PPIE: variants seen among roughly 807,000 people sequenced by gnomAD.
PPIE encodes peptidyl-prolyl cis-trans isomerase E.
Under a neutral mutation model 38.4 loss-of-function variants are expected in PPIE, and 20 were observed. The observed-to-expected ratio is 0.52, with a 90% CI of 0.37 to 0.76. PPIE has a LOEUF of 0.76. PPIE is among the 30% of genes least tolerant of loss of function. The probability of loss-of-function intolerance (pLI) is 0.00; values close to 1 mark genes in which losing one functional copy is unlikely to be tolerated. For missense variants in PPIE, 322 were observed against 385.8 expected (o/e 0.83, Z 1.39); for synonymous variants, 142 against 135.7 (o/e 1.05, Z -0.32).
At chr1:39,740,339 C>G in intron 2 of PPIE, 76 bp downstream of exon 2, 2 of 1,158,326 alleles carry the variant, frequency 1.7e-6, no homozygotes, top group Middle Eastern at 2.0e-4. Context: ...CATCACAATT[C>G]TAAATATGCA....
At chr1:39,741,731 T>C in intron 3 of PPIE, 164 bp from the exon 4 acceptor site, 1 of 726,602 alleles carries the variant, frequency 1.4e-6, no homozygotes, top group Non-Finnish European at 2.3e-6. Flanking sequence ...CACCACCAGC[T>C]CTAAAATCAG....
chr1:39,760,377 C>T (rs371633750), downstream of PPIE: 3 of 1,610,344 alleles, frequency 1.9e-6, no homozygotes, highest in Non-Finnish European at 2.5e-6. Flanking sequence ...GGGGCCCGAT[C>T]CAGATGAGAA....
intron 9 of PPIE, among the ~76,000 whole-genome samples, chr1:39,761,854 A>C (rs1291615128): frequency 2.0e-5 from 3 of 152,244 alleles, no homozygotes; most frequent in Non-Finnish European, 4.4e-5. Context: ...TGGACAAACC[A>C]ACAAACCGAC....
chr1:39,748,902 G>C lies in PPIE; in HGVS notation c.509-1G>C. ...AGCGCTTTTTCCTTTCTCAATTCCA[G>C]AGAATTTCCGCTGCCTGTGCACTCA... is the stretch of plus-strand genomic sequence containing the variant. On this transcript the variant is annotated splice_acceptor_variant, in intron 7 of 9. Transcript: ENST00000324379. LOFTEE classifies it high-confidence loss of function. 6.2e-7 allele frequency: 1 copy of C among 1,611,954 alleles called. No homozygotes were observed. Among genetic ancestry groups the C allele is most frequent in the East Asian group, 2.2e-5 (1 of 44,872 alleles).
At chr1:39,740,058 A>C in intron 1 of PPIE, 107 bp from the exon 2 acceptor site, 2 of 750,480 alleles carry the variant, frequency 2.7e-6, no homozygotes, top group South Asian at 3.4e-5. Flanking sequence ...TACCCAAAGA[A>C]CTGAATGGAA....
In PPIE at chr1:39,753,673, C is replaced by T; in HGVS notation, c.*318C>T. The T allele has an allele frequency of 1.7e-6, 2 of 1,153,492 alleles. No homozygotes were observed. The highest frequency in any genetic ancestry group is 3.7e-4 in the Middle Eastern group (1 of 2,726). 71.5% of individuals were successfully genotyped at this position (1,153,492 alleles called of 1,614,324 possible). The stretch of plus-strand genomic sequence containing the variant: ...TACCAGTGTGGCTCTTACGTGTTTT[C>T]TTTGCTAAAATAAACCCTAGTTCTT... On this transcript the variant is annotated 3_prime_UTR_variant, in exon 10 of 10. Coordinates refer to ENST00000324379, the MANE Select transcript of PPIE (RefSeq NM_006112.4).
intron 8 of PPIE, among the ~76,000 whole-genome samples, chr1:39,751,508 A>G (rs1647730878): frequency 6.6e-6 from 1 of 152,104 alleles, no homozygotes; most frequent in Non-Finnish European, 1.5e-5. Flanking sequence ...GGTGCACGCC[A>G]TCCATAATGC....
intron 1 of PPIE, chr1:39,739,151 C>T (rs3738673): frequency 0.33 from 142,404 of 428,676 alleles, 24,678 homozygotes; most frequent in South Asian, 0.39. Flanking sequence ...GTACGCACTT[C>T]TCCAGCTTCT....
chr1:39,741,149 TTACTA>T (rs1488201984), intron 2 of PPIE, among the ~76,000 whole-genome samples: 5 of 152,230 alleles, frequency 3.3e-5, no homozygotes, highest in Admixed American at 2.0e-4. Flanking sequence ...AAAATACAGT[TTACTA>T]TTCAGCTATG....
rs1159397776 is a variant in PPIE at position 39,754,132 on chromosome 1, T to C, written c.*777T>C. 3.3e-6 allele frequency: 3 copies of C among 917,058 alleles called. No individual in the cohort carries two copies. Among genetic ancestry groups the C allele is most frequent in the African/African-American group, 3.6e-5 (2 of 55,862 alleles). 56.8% of individuals were successfully genotyped at this position (917,058 alleles called of 1,614,324 possible). On this transcript the variant is annotated 3_prime_UTR_variant, in exon 10 of 10. Coordinates refer to ENST00000324379, the MANE Select transcript of PPIE (RefSeq NM_006112.4). ...TGTGCCTAATCCAGCCCACTGCCTG[T>C]TTTTATGAATCAGGTTTTATTGGAA...
chr1:39,744,174 C>T (rs1380860873), intron 6 of PPIE, among the ~76,000 whole-genome samples: 2 of 152,166 alleles, frequency 1.3e-5, no homozygotes, highest in Admixed American at 6.5e-5. Context: ...TGTCTCAGCT[C>T]TGCTCAGGTA....
At chr1:39,741,857 T>C (rs1647065625) in intron 3 of PPIE, 38 bp from the exon 4 acceptor site, 1 of 1,613,984 alleles carries the variant, frequency 6.2e-7, no homozygotes, top group Non-Finnish European at 8.5e-7. Context: ...AGCATTTGGC[T>C]GCAAGCCTAA....
At position 39,752,114 on chromosome 1, in the gene PPIE, AG is replaced by A. The variant is rs375148521; in HGVS notation, c.695-795del. On this transcript the variant is annotated intron_variant, in intron 8 of 9. Transcript: ENST00000324379. ...TCCCCATCTCAAAAAAAGTAAATTC[AG>A]ATTTCCAAAGGTTTCCTAGGGACAG... is the stretch of plus-strand genomic sequence containing the variant. 2.3e-3 allele frequency among the ~76,000 whole-genome samples: 355 copies of A among 152,226 alleles called. 1 individual carries two copies. The highest frequency in any genetic ancestry group is 8.0e-3 in the African/African-American group (334 of 41,530).
rs1167195849 is a variant in PPIE at position 39,756,278 on chromosome 1, C to G, written c.*2923C>G. 1.0e-6 allele frequency: 1 copy of G among 985,342 alleles called. No homozygotes were observed. Among genetic ancestry groups the G allele is most frequent in the Non-Finnish European group, 1.2e-6 (1 of 829,948 alleles). 61.0% of individuals were successfully genotyped at this position (985,342 alleles called of 1,614,324 possible). The stretch of plus-strand genomic sequence containing the variant: ...TTCCCTGGGACTGTGTGGCTCCTGT[C>G]CCAACTGGCCTCCCCATTCCACATT... On this transcript the variant is annotated 3_prime_UTR_variant, in exon 10 of 10. Coordinates refer to ENST00000324379, the MANE Select transcript of PPIE (RefSeq NM_006112.4).
rs1569788692 is a variant in PPIE, at chr1:39,763,549, A to C, written c.838-140A>C. 27 of 1,123,766 alleles carry C rather than the reference A, an allele frequency of 2.4e-5. 4 individuals carry two copies. The highest frequency in any genetic ancestry group is 1.2e-4 in the Admixed American group (4 of 32,082). The allele number at this position is 1,123,766 out of a possible 1,614,324, so 69.6% of individuals were successfully genotyped here. On this transcript the variant is annotated intron_variant, in intron 9 of 9. Coordinates refer to the PPIE transcript ENST00000356511. Reference sequence around the variant, plus strand: ...AAACAAAAAACTGAACAAAAAAAAAACCCTTTCTCACCATATTCTCACTTT... The same window carrying C: ...AAACAAAAAACTGAACAAAAAAAAACCCCTTTCTCACCATATTCTCACTTT...
At chr1:39,761,152 G>C (rs566807709), downstream of PPIE, 2 of 154,354 alleles carry the variant, frequency 1.3e-5, no homozygotes, top group Non-Finnish European at 2.9e-5. Flanking sequence ...CTGAACTCCA[G>C]ACTTGTGGAT....
At position 39,738,948 on chromosome 1, in the gene PPIE, G is replaced by A; in HGVS notation, c.31+17G>A. ...TGTACGTGGGTGAGCAGGAGGGGTT[G>A]CTAGGCGGAGTCTGAGTGAACGCGA... On this transcript the variant is annotated intron_variant, in intron 1 of 9. Transcript: ENST00000324379. 1 of 1,464,948 alleles carries A rather than the reference G, an allele frequency of 6.8e-7. No homozygotes were observed. The allele number at this position is 1,464,948 out of a possible 1,614,324, so 90.7% of individuals were successfully genotyped here. A position where few individuals can be genotyped will look rare whatever the true frequency, so the allele number is the denominator to read the frequency against.
At chr1:39,746,025 C>T (rs1012009150) in intron 7 of PPIE, 3 of 152,316 alleles carry the variant, frequency 2.0e-5, no homozygotes, top group Non-Finnish European at 4.4e-5. Flanking sequence ...ATTTGCTGCT[C>T]CTCAGAGGAG....
At position 39,753,267 on chromosome 1, in the gene PPIE, A is replaced by G. The variant is rs763767182; in HGVS notation, c.838-20A>G. On this transcript the variant is annotated intron_variant, in intron 9 of 9. Transcript: ENST00000324379. ...TGTTAGTCTCCGGCCTTACTCCCTC[A>G]CTTCTATTCTGCCACAAAGGCCCAG... 4.3e-6 allele frequency: 7 copies of G among 1,613,384 alleles called. No individual in the cohort carries two copies. Among genetic ancestry groups the G allele is most frequent in the Non-Finnish European group, 4.2e-6 (5 of 1,179,608 alleles).
Sources: allele counts gnomAD v4.1 joint callset (sites outside exome capture counted in the v4.1 genomes callset), GRCh38; gene constraint gnomAD v4.1.1; transcripts MANE v1.5; gene names NCBI Gene and HGNC (gene_info 2026-07-23, HGNC 2026-07-21).